Variants in CHSY3 observed in about 807,000 individuals in gnomAD.
The protein encoded by CHSY3 is chondroitin sulfate synthase 3.
A neutral mutation model predicts 67.2 loss-of-function variants in CHSY3; 35 were observed. The observed-to-expected ratio is 0.52, with a 90% CI of 0.40 to 0.69. The LOEUF (loss-of-function observed/expected upper bound fraction) is 0.69, where lower values mean the gene tolerates loss of function less well. Among genes scored for constraint, CHSY3 ranks in the 30% least tolerant of loss-of-function variants. CHSY3 has a pLI of 0.00. For synonymous variants in CHSY3, 474 were observed against 434.7 expected (o/e 1.09, Z -1.12); for missense variants, 1,069 against 1,138.5 (o/e 0.94, Z 0.88).
intron 2 of CHSY3, among the ~76,000 whole-genome samples, chr5:130,098,480 G>A (rs1767123906): frequency 6.6e-6 from 1 of 152,084 alleles, no homozygotes; most frequent in Non-Finnish European, 1.5e-5. Context: ...CACTCTCTCT[G>A]CCCCATGCTG....
Position 129,929,965 on chromosome 5 carries a change from G to A in CHSY3, c.1086+21605G>A, listed in dbSNP as rs190219631. On this transcript the variant is annotated intron_variant, in intron 2 of 2. Coordinates refer to ENST00000305031, the MANE Select transcript of CHSY3 (RefSeq NM_175856.5). ...TCGAGTTTAAACAAAATGTTAACTC[G>A]TACAGTAAAAATATCAGGACATCAG... Among the ~76,000 whole-genome samples, 377 of 152,200 alleles carry A rather than the reference G, an allele frequency of 2.5e-3. 3 individuals carry two copies. Among genetic ancestry groups the A allele is most frequent in the African/African-American group, 8.5e-3 (354 of 41,544 alleles).
Position 130,184,743 on chromosome 5 carries a change from G to C in CHSY3, c.1601G>C (p.Gly534Ala), listed in dbSNP as rs1346854067. ...TACCGCAGAGTTAACCCCATGCACG[G>C]GGTGGAGTACATTTTGGATTTACTC... ...YGYRRVNPMH[G>A]VEYILDLLLL... The change falls in exon 3 of 3, where the codon GGG (glycine) becomes GCG (alanine). Residue 534 changes from glycine (G) to alanine (A), a missense_variant. Physicochemically the swap from Gly to Ala is moderately conservative, Grantham distance 60. Coordinates refer to ENST00000305031, the MANE Select transcript of CHSY3 (RefSeq NM_175856.5). 3.1e-6 allele frequency: 5 copies of C among 1,603,464 alleles called. No homozygotes were observed. The highest frequency in any genetic ancestry group is 4.3e-6 in the Non-Finnish European group (5 of 1,170,340).
intron 2 of CHSY3, among the ~76,000 whole-genome samples, chr5:130,116,752 G>T (rs552387919): frequency 6.6e-6 from 1 of 152,304 alleles, no homozygotes; most frequent in East Asian, 1.9e-4. Context: ...ATCAGCAAGC[G>T]AAGGTCAGAT....
intron 2 of CHSY3, among the ~76,000 whole-genome samples, chr5:130,168,632 C>A (rs1769815105): frequency 6.6e-6 from 1 of 151,996 alleles, no homozygotes; most frequent in South Asian, 2.1e-4. Flanking sequence ...CAAAGTTCTT[C>A]CAGTAAATAT....
At chr5:129,940,223 G>A (rs1357610770) in intron 2 of CHSY3, among the ~76,000 whole-genome samples, 1 of 151,782 alleles carries the variant, frequency 6.6e-6, no homozygotes, top group Non-Finnish European at 1.5e-5. Flanking sequence ...ATATGAGCAG[G>A]CATCTACCTA....
chr5:130,036,542 A>G (rs1432833264), intron 2 of CHSY3, among the ~76,000 whole-genome samples: 1 of 152,090 alleles, frequency 6.6e-6, no homozygotes, highest in Non-Finnish European at 1.5e-5. Flanking sequence ...TAAACTGCAA[A>G]GGTTGCTGGA....
chr5:129,928,882 C>T (rs996158663), intron 2 of CHSY3, among the ~76,000 whole-genome samples: 1 of 152,076 alleles, frequency 6.6e-6, no homozygotes, highest in Non-Finnish European at 1.5e-5. Flanking sequence ...TTGCCCTATG[C>T]CACAAATGAG....
At chr5:130,032,177 A>G (rs1275447123) in intron 2 of CHSY3, among the ~76,000 whole-genome samples, 1 of 152,008 alleles carries the variant, frequency 6.6e-6, no homozygotes, top group South Asian at 2.1e-4. Flanking sequence ...AATATGTTCT[A>G]TTTCCTGTAG....
At chr5:129,931,723 A>G (rs947292292) in intron 2 of CHSY3, among the ~76,000 whole-genome samples, 10 of 152,098 alleles carry the variant, frequency 6.6e-5, no homozygotes, top group Non-Finnish European at 1.3e-4. Flanking sequence ...TCTCATGCAT[A>G]TAGATTTCAG....
In CHSY3 at chr5:130,111,653, C is replaced by T. The variant is rs550111257; in HGVS notation, c.1087-72576C>T. On this transcript the variant is annotated intron_variant, in intron 2 of 2. Coordinates refer to ENST00000305031, the MANE Select transcript of CHSY3 (RefSeq NM_175856.5). ...GAGTGTATTTAAAGTATTCTAGTAC[C>T]AAGGCTTCAGCCTACATCAAATAAA... 2.0e-5 allele frequency among the ~76,000 whole-genome samples: 3 copies of T among 152,152 alleles called. No homozygotes were observed. In the East Asian group the frequency reaches 5.8e-4, roughly 29 times the overall value.
At chr5:129,982,190 T>A (rs1763038077) in intron 2 of CHSY3, among the ~76,000 whole-genome samples, 2 of 152,112 alleles carry the variant, frequency 1.3e-5, no homozygotes, top group Admixed American at 1.3e-4. Context: ...ATAATAAATA[T>A]ACTATTCATT....
intron 2 of CHSY3, among the ~76,000 whole-genome samples, chr5:129,989,389 GTACCTGGGAT>G (rs1437450312): frequency 1.3e-5 from 2 of 151,322 alleles, no homozygotes; most frequent in African/African-American, 2.4e-5. Context: ...AGTCTCTCAA[GTACCTGGGAT>G]TACAGGCATG....
At chr5:129,996,347 G>A (rs1342916206) in intron 2 of CHSY3, among the ~76,000 whole-genome samples, 1 of 152,082 alleles carries the variant, frequency 6.6e-6, no homozygotes, top group African/African-American at 2.4e-5. Flanking sequence ...AACTTTTACA[G>A]GACTGTATTC....
intron 2 of CHSY3, among the ~76,000 whole-genome samples, chr5:129,942,099 G>A (rs1252872975): frequency 6.6e-6 from 1 of 152,128 alleles, no homozygotes; most frequent in South Asian, 2.1e-4. Flanking sequence ...GGACTCTGGG[G>A]AGGATCATAA....
intron 2 of CHSY3, among the ~76,000 whole-genome samples, chr5:130,142,737 A>G (rs766307314): frequency 4.6e-5 from 7 of 152,078 alleles, no homozygotes; most frequent in Non-Finnish European, 7.4e-5. Flanking sequence ...TCAAGTCCCA[A>G]ATTTCCACTT....
intron 2 of CHSY3, among the ~76,000 whole-genome samples, chr5:129,923,765 G>T (rs1761002324): frequency 6.6e-6 from 1 of 152,146 alleles, no homozygotes; most frequent in Non-Finnish European, 1.5e-5. Context: ...TAGTAAAACG[G>T]GATGAGAGAG....
At chr5:129,986,105 G>C (rs1763192940) in intron 2 of CHSY3, among the ~76,000 whole-genome samples, 1 of 152,160 alleles carries the variant, frequency 6.6e-6, no homozygotes, top group Admixed American at 6.5e-5. Context: ...TCGTGTTCCA[G>C]ATCTCAATGG....
intron 2 of CHSY3, among the ~76,000 whole-genome samples, chr5:129,933,404 A>G (rs1426032944): frequency 1.3e-5 from 2 of 152,304 alleles, no homozygotes; most frequent in East Asian, 3.9e-4. Context: ...GAAATACACA[A>G]GCAGTTACTC....
At chr5:129,908,943 G>A (rs1760430659) in intron 2 of CHSY3, among the ~76,000 whole-genome samples, 1 of 152,096 alleles carries the variant, frequency 6.6e-6, no homozygotes, top group South Asian at 2.1e-4. Context: ...GCATACAAAA[G>A]GAATGAGTTG....
Sources: allele counts gnomAD v4.1 joint callset (sites outside exome capture counted in the v4.1 genomes callset), GRCh38; gene constraint gnomAD v4.1.1; transcripts MANE v1.5; gene names NCBI Gene and HGNC (gene_info 2026-07-23, HGNC 2026-07-21).